The following CEP164 variants were observed in gnomAD, a reference collection of about 807,000 sequenced individuals.
CEP164 encodes centrosomal protein of 164 kDa.
In CEP164, 162 loss-of-function variants were observed where a neutral mutation model predicts 182.7. That is an observed-to-expected ratio of 0.89 (90% CI 0.78 to 1.01). The LOEUF is 1.01. CEP164 is among the 50% of genes least tolerant of loss of function. The pLI, the probability that CEP164 is intolerant of heterozygous loss-of-function variation, is 0.00. For synonymous variants in CEP164, 661 were observed against 690.0 expected (o/e 0.96, Z 0.66); for missense variants, 1,735 against 1,790.4 (o/e 0.97, Z 0.56).
At chr11:117,393,163 A>G (rs1349748556) in intron 20 of CEP164, 37 bp downstream of exon 20, 2 of 1,601,594 alleles carry the variant, frequency 1.2e-6, no homozygotes, top group East Asian at 2.3e-5. Flanking sequence ...ATGCACACAC[A>G]TGCACACACA....
At chr11:117,352,132 C>A (rs2039715686) in intron 5 of CEP164, 144 bp downstream of exon 5, 1 of 720,374 alleles carries the variant, frequency 1.4e-6, no homozygotes, top group Non-Finnish European at 2.2e-6. Context: ...CTAAACTTTG[C>A]CTGTCTTCTG....
intron 14 of CEP164, chr11:117,386,313 T>G (rs976533683): frequency 6.6e-6 from 1 of 152,236 alleles, no homozygotes; most frequent in Non-Finnish European, 1.5e-5. Flanking sequence ...TGCTTTATCC[T>G]GCTCATGCTT....
At chr11:117,377,924 A>G (rs1195274452) in intron 11 of CEP164, among the ~76,000 whole-genome samples, 1 of 151,838 alleles carries the variant, frequency 6.6e-6, no homozygotes, top group Non-Finnish European at 1.5e-5. Flanking sequence ...CAGTGTCATG[A>G]TCTTGGCTCA....
chr11:117,370,435 C>T (rs968125242), intron 8 of CEP164, among the ~76,000 whole-genome samples: 5 of 152,156 alleles, frequency 3.3e-5, no homozygotes, highest in African/African-American at 1.2e-4. Context: ...CTGATGTGGC[C>T]AATGGGGCTG....
chr11:117,371,475 C>T lies in CEP164; in HGVS notation c.1152+9C>T. 1.2e-6 allele frequency: 2 copies of T among 1,601,286 alleles called. No individual in the cohort carries two copies. The highest frequency in any genetic ancestry group is 8.5e-7 in the Non-Finnish European group (1 of 1,174,346). ...GTTCAGACGCCAGCCAAGTAAGTCA[C>T]TGTATCCCATAGGCAGGGGTTGGCT... is the stretch of plus-strand genomic sequence containing the variant. On this transcript the variant is annotated intron_variant, in intron 9 of 32. Transcript: ENST00000278935.
At position 117,409,112 on chromosome 11, in the gene CEP164, T is replaced by C; in HGVS notation, c.3748+84T>C. On this transcript the variant is annotated intron_variant, in intron 29 of 32. Transcript: ENST00000278935. The surrounding 1 kb of genome is among the most constrained non-coding windows in gnomAD (Gnocchi z 4.4). ...GGAATAGAAGAAGAGCTCTCTTCCCTCAGCCCTGCAGAGGGAGGCCTCTGT... is the reference window on the plus strand; with the variant it reads ...GGAATAGAAGAAGAGCTCTCTTCCCCCAGCCCTGCAGAGGGAGGCCTCTGT... 1 of 1,561,924 alleles carries C rather than the reference T, an allele frequency of 6.4e-7. No homozygotes were observed. Among genetic ancestry groups the C allele is most frequent in the Non-Finnish European group, 8.7e-7 (1 of 1,148,136 alleles).
At chr11:117,378,585 A>G (rs1012432036) in intron 11 of CEP164, among the ~76,000 whole-genome samples, 1 of 152,176 alleles carries the variant, frequency 6.6e-6, no homozygotes, top group African/African-American at 2.4e-5. Flanking sequence ...AGTTAAGGAG[A>G]GGGAAATGGT....
chr11:117,348,941 G>A (rs543126393), intron 4 of CEP164, among the ~76,000 whole-genome samples: 46 of 152,246 alleles, frequency 3.0e-4, no homozygotes, highest in Non-Finnish European at 1.8e-4. Flanking sequence ...CATCCTCAAG[G>A]TGCATCTATG....
rs185128864 is a variant in CEP164 at position 117,331,035 on chromosome 11, A to G, written c.-98+3131A>G. ...TTCTCCCCTTTACCTTCTCCAGTCA[A>G]TCTTTTCTGTGGTCAACCTTCTTTG... is the stretch of plus-strand genomic sequence containing the variant. On this transcript the variant is annotated intron_variant, in intron 1 of 32. Coordinates refer to ENST00000278935, the MANE Select transcript of CEP164 (RefSeq NM_014956.5). Among the ~76,000 whole-genome samples, 9 of 152,316 alleles carry G rather than the reference A, an allele frequency of 5.9e-5. No homozygotes were observed. In the East Asian group the frequency reaches 1.2e-3, roughly 20 times the overall value.
At chr11:117,388,443 A>G (rs1018520412) in intron 15 of CEP164, among the ~76,000 whole-genome samples, 1 of 152,244 alleles carries the variant, frequency 6.6e-6, no homozygotes, top group African/African-American at 2.4e-5. Context: ...GGCTTTCTTC[A>G]AACTAGTTCA....
intron 11 of CEP164, among the ~76,000 whole-genome samples, chr11:117,376,945 T>C (rs571396117): frequency 1.3e-5 from 2 of 152,266 alleles, no homozygotes; most frequent in African/African-American, 4.8e-5. Context: ...ACCTGGCCAG[T>C]ATCAGAATTA....
Position 117,395,617 on chromosome 11 carries a change from A to T in CEP164, c.2984A>T (p.Gln995Leu), listed in dbSNP as rs1362966801. 1 of 1,613,954 alleles carries T rather than the reference A, an allele frequency of 6.2e-7. No homozygotes were observed. Among genetic ancestry groups the T allele is most frequent in the Non-Finnish European group, 8.5e-7 (1 of 1,180,014 alleles). Residue 995 changes from glutamine to leucine, a missense_variant, in exon 24 of 33, where the codon CAG (glutamine) becomes CTG (leucine). By Grantham distance (113) the Gln-to-Leu change is moderately radical. Transcript: ENST00000278935. ...KEHTHLLQSN[Q>L]QLREILDELQ... ...CACACCCACCTGTTGCAGTCAAACC[A>T]GCAGCTCCGAGAAATTCTTGATGAG...
intron 15 of CEP164, 147 bp from the exon 16 acceptor site, chr11:117,390,630 T>C (rs2044520289): frequency 1.9e-6 from 2 of 1,060,958 alleles, no homozygotes; most frequent in African/African-American, 3.3e-5. Flanking sequence ...AGCAAGAACC[T>C]GTCTCCAAAA....
chr11:117,346,236 C>A (rs535406522), intron 4 of CEP164, among the ~76,000 whole-genome samples: 128 of 151,852 alleles, frequency 8.4e-4, no homozygotes, highest in Non-Finnish European at 1.5e-3. Context: ...GGCTAACACC[C>A]TTTTTTATCC....
Position 117,411,416 on chromosome 11 carries a change from TC to T in CEP164, c.4164-376del. 1 of 260,322 alleles carries T rather than the reference TC, an allele frequency of 3.8e-6. No individual in the cohort carries two copies. The highest frequency in any genetic ancestry group is 6.0e-5 in the South Asian group (1 of 16,794). The allele number at this position is 260,322 out of a possible 1,614,324, so 16.1% of individuals were successfully genotyped here. On this transcript the variant is annotated intron_variant, in intron 31 of 32. Transcript: ENST00000278935. The surrounding 1 kb of genome is among the most constrained non-coding windows in gnomAD (Gnocchi z 4.4). ...ATTCCTTGCCAAATGTTTTCCCCTC[TC>T]CCTCCCTTAGGCAGCTAACAGTGAG...
rs555380722 is a variant in CEP164, at chr11:117,409,521, G to A, written c.3749-97G>A. ...GGGCTGTTGTCTGGAGAAGCAGGGA[G>A]GGGTGGCCAGTAGGGTCCTCCATGA... is the stretch of plus-strand genomic sequence containing the variant. On this transcript the variant is annotated intron_variant, in intron 29 of 32. Coordinates refer to ENST00000278935, the MANE Select transcript of CEP164 (RefSeq NM_014956.5). The surrounding 1 kb of genome is among the most constrained non-coding windows in gnomAD (Gnocchi z 4.4). 1.8e-5 allele frequency: 19 copies of A among 1,065,532 alleles called. 1 individual carries two copies. In the East Asian group the frequency reaches 1.9e-4, roughly 11 times the overall value. 66.0% of individuals were successfully genotyped at this position (1,065,532 alleles called of 1,614,324 possible). A position where few individuals can be genotyped will look rare whatever the true frequency, so the allele number is the denominator to read the frequency against.
intron 11 of CEP164, among the ~76,000 whole-genome samples, chr11:117,376,818 G>A (rs1377684716): frequency 1.3e-5 from 2 of 152,214 alleles, no homozygotes; most frequent in African/African-American, 4.8e-5. Flanking sequence ...AAAGGAAGGT[G>A]GGATTAGTCA....
At position 117,348,924 on chromosome 11, in the gene CEP164, A is replaced by G. The variant is rs1464132879; in HGVS notation, c.195-2866A>G. ...CTTTTGTGTCTGACTTCTTTCACTT[A>G]GCATAACATCCTCAAGGTGCATCTA... On this transcript the variant is annotated intron_variant, in intron 4 of 32. Transcript: ENST00000278935. 2.0e-5 allele frequency among the ~76,000 whole-genome samples: 3 copies of G among 152,254 alleles called. No homozygotes were observed. In the East Asian group the frequency reaches 5.8e-4, roughly 29 times the overall value.
rs770681109 is a variant in CEP164 at position 117,412,057 on chromosome 11, T to G, written c.4287-15T>G. On this transcript the variant is annotated splice_polypyrimidine_tract_variant and intron_variant, in intron 32 of 32. Coordinates refer to ENST00000278935, the MANE Select transcript of CEP164 (RefSeq NM_014956.5). ...TATGCCCAGCGACTGCAGTTTTCCT[T>G]CACCTTGTGGCCAGACCTCTCTTCT... 1 of 1,613,960 alleles carries G rather than the reference T, an allele frequency of 6.2e-7. No individual in the cohort carries two copies. The highest frequency in any genetic ancestry group is 1.7e-5 in the Admixed American group (1 of 60,014).
Sources: gnomAD v4.1 joint callset for allele counts (sites outside exome capture counted in the v4.1 genomes callset) on GRCh38, gnomAD v4.1.1 for gene constraint, Gnocchi (gnomAD v3.1) non-coding constraint, MANE v1.5 for transcripts, NCBI Gene and HGNC (gene_info 2026-07-23, HGNC 2026-07-21) for gene names.